NFIA: variants seen among roughly 807,000 people sequenced by gnomAD.
The protein encoded by NFIA is nuclear factor 1 A-type.
Under a neutral mutation model 62.8 loss-of-function variants are expected in NFIA, and 8 were observed. The ratio of observed to expected loss-of-function variants is 0.13; its 90% CI spans 0.07 to 0.23. The LOEUF is 0.23. NFIA is among the 10% of genes least tolerant of loss of function. The pLI is 1.00. For missense variants in NFIA, 410 were observed against 642.1 expected, an observed-to-expected ratio of 0.64 and a Z score of 3.91; for synonymous variants, 235 against 238.1, an observed-to-expected ratio of 0.99 and a Z score of 0.12.
intron 9 of NFIA, among the ~76,000 whole-genome samples, chr1:61,414,704 C>G (rs1427031308): frequency 6.6e-6 from 1 of 152,076 alleles, no homozygotes; most frequent in East Asian, 1.9e-4. Flanking sequence ...ACTGTGTTTC[C>G]TCTGTCAGAG....
intron 3 of NFIA, among the ~76,000 whole-genome samples, chr1:61,306,269 C>CTTTTTTTT (rs774297484): frequency 0.15 from 8,959 of 60,420 alleles, 2,035 homozygotes; most frequent in South Asian, 0.3. Flanking sequence ...AGATTTTGTT[C>CTTTTTTTT]TTTTTTTTTT....
chr1:61,095,948 A>G (rs560748040), intron 2 of NFIA, among the ~76,000 whole-genome samples: 105 of 152,066 alleles, frequency 6.9e-4, no homozygotes, highest in African/African-American at 2.4e-3. Context: ...ATATATTTTT[A>G]TATATATATT....
At chr1:61,182,063 T>C (rs1650796036) in intron 2 of NFIA, among the ~76,000 whole-genome samples, 1 of 152,238 alleles carries the variant, frequency 6.6e-6, no homozygotes. Context: ...AGCTGAAATT[T>C]AAATATATAA....
chr1:61,096,547 CTTTTTTTTTT>C (rs369305204), intron 2 of NFIA, among the ~76,000 whole-genome samples: 15 of 80,606 alleles, frequency 1.9e-4, no homozygotes, highest in Non-Finnish European at 2.3e-4. Context: ...AAGATTAGTT[CTTTTTTTTTT>C]TTTTTTTTTT....
At chr1:61,200,118 C>T (rs1471500760) in intron 2 of NFIA, among the ~76,000 whole-genome samples, 1 of 137,624 alleles carries the variant, frequency 7.3e-6, no homozygotes, top group African/African-American at 2.7e-5. Flanking sequence ...CCTTAGTCAC[C>T]ATTTGCAGTG....
chr1:61,287,562 T>C (rs1278331393), intron 3 of NFIA, among the ~76,000 whole-genome samples: 3 of 151,952 alleles, frequency 2.0e-5, no homozygotes, highest in Non-Finnish European at 4.4e-5. Context: ...CCCAGCACTT[T>C]GGGAGGCCAA....
chr1:61,298,748 G>A lies in NFIA; in HGVS notation c.625+21163G>A, dbSNP rs553302759. Among the ~76,000 whole-genome samples, 70 of 152,186 alleles carry A rather than the reference G, an allele frequency of 4.6e-4. 1 individual carries two copies. Among genetic ancestry groups the A allele is most frequent in the African/African-American group, 1.4e-3 (57 of 41,528 alleles). Reference sequence around the variant, plus strand: ...GACCATGCCTACAAGGTGTTTAGCAGGGTCCTCAGCATATAGCCAGTACTC... The same window carrying A: ...GACCATGCCTACAAGGTGTTTAGCAAGGTCCTCAGCATATAGCCAGTACTC... On this transcript the variant is annotated intron_variant, in intron 3 of 10. Coordinates refer to ENST00000403491, the MANE Select transcript of NFIA (RefSeq NM_001134673.4).
At chr1:61,403,038 C>T (rs1301356762) in intron 7 of NFIA, among the ~76,000 whole-genome samples, 1 of 152,152 alleles carries the variant, frequency 6.6e-6, no homozygotes, top group Non-Finnish European at 1.5e-5. Context: ...TATTATGAGT[C>T]ATTCTTGGTA....
At chr1:61,380,644 T>C (rs1664368985) in intron 6 of NFIA, among the ~76,000 whole-genome samples, 1 of 152,152 alleles carries the variant, frequency 6.6e-6, no homozygotes, top group South Asian at 2.1e-4. Context: ...AGAGAAAATA[T>C]TAAAGTATAT....
chr1:61,319,837 C>CACACACACACACACA (rs1422145070), intron 3 of NFIA, among the ~76,000 whole-genome samples: 1 of 118,158 alleles, frequency 8.5e-6, no homozygotes, highest in African/African-American at 4.3e-5. Context: ...ACACACACAC[C>CACACACACACACACA]AACTTTCATG....
rs17121991 is a variant in NFIA at position 61,362,814 on chromosome 1, C to A, written c.946+3540C>A. Among the ~76,000 whole-genome samples the A allele has an allele frequency of 8.5e-5, 13 of 152,232 alleles. No homozygotes were observed. In the South Asian group the frequency reaches 2.7e-3, roughly 32 times the overall value. Reference sequence around the variant, plus strand: ...AGTTATCTCAAAACTGGGTTAGATACGAAGCTTTGAAGCAAATCATGAATT... The same window carrying A: ...AGTTATCTCAAAACTGGGTTAGATAAGAAGCTTTGAAGCAAATCATGAATT... On this transcript the variant is annotated intron_variant, in intron 6 of 10. Transcript: ENST00000403491.
In NFIA at chr1:61,366,788, C is replaced by T. The variant is rs935087032; in HGVS notation, c.946+7514C>T. Among the ~76,000 whole-genome samples the T allele has an allele frequency of 4.6e-5, 7 of 151,946 alleles. No individual in the cohort carries two copies. The East Asian group carries it at 1.2e-3, about 25-fold the overall frequency. On this transcript the variant is annotated intron_variant, in intron 6 of 10. Coordinates refer to ENST00000403491, the MANE Select transcript of NFIA (RefSeq NM_001134673.4). ...AAACACAAAATTTAGCTGGGCGTGGCGGCGCCCTCCTGTAATCCCAGCTAC... is the reference window on the plus strand; with the variant it reads ...AAACACAAAATTTAGCTGGGCGTGGTGGCGCCCTCCTGTAATCCCAGCTAC...
chr1:61,360,108 A>G (rs1004923788), intron 6 of NFIA, among the ~76,000 whole-genome samples: 1 of 152,128 alleles, frequency 6.6e-6, no homozygotes, highest in African/African-American at 2.4e-5. Flanking sequence ...ATTTAAATGG[A>G]ACAACTCTCT....
rs34853369 is a variant in NFIA at position 61,358,379 on chromosome 1, C to CTTTTTTT, written c.819-749_819-743dup. On this transcript the variant is annotated intron_variant, in intron 5 of 10. Coordinates refer to ENST00000403491, the MANE Select transcript of NFIA (RefSeq NM_001134673.4). ...TCATTTTCTTTTCTTTTCTTTCTTT[C>CTTTTTTT]TTTTTTTTTTTTTTTTTTTTTTTTT... 1.3e-3 allele frequency among the ~76,000 whole-genome samples: 70 copies of CTTTTTTT among 52,610 alleles called. 1 individual carries two copies. Among genetic ancestry groups the CTTTTTTT allele is most frequent in the Non-Finnish European group, 1.5e-3 (48 of 31,562 alleles). The allele number at this position is 52,610 out of a possible 152,430, so 34.5% of individuals were successfully genotyped here.
At chr1:61,391,192 C>T (rs1380438552) in intron 7 of NFIA, among the ~76,000 whole-genome samples, 1 of 152,036 alleles carries the variant, frequency 6.6e-6, no homozygotes, top group Non-Finnish European at 1.5e-5. Flanking sequence ...TTCCAAGTGG[C>T]TGGGACTACA....
Position 61,274,561 on chromosome 1 carries a change from GTTTGT to G in NFIA, c.560-2955_560-2951del, listed in dbSNP as rs1327978193. Among the ~76,000 whole-genome samples the G allele has an allele frequency of 4.4e-4, 67 of 152,302 alleles. 1 individual carries two copies. Among genetic ancestry groups the G allele is most frequent in the African/African-American group, 1.5e-3 (64 of 41,566 alleles). The stretch of plus-strand genomic sequence containing the variant: ...AGAACATCCAGTTCTATGCAGTTGG[GTTTGT>G]TTTCTGAGGTTCCTAATTATTTAAG... On this transcript the variant is annotated intron_variant, in intron 2 of 10. Transcript: ENST00000403491.
intron 2 of NFIA, chr1:61,124,584 A>G (rs951139696): frequency 6.6e-6 from 1 of 152,218 alleles, no homozygotes; most frequent in Non-Finnish European, 1.5e-5. Flanking sequence ...TTGTTGTGTT[A>G]TCAGTGTAAA....
intron 10 of NFIA, among the ~76,000 whole-genome samples, chr1:61,447,521 G>T (rs772060572): frequency 6.6e-6 from 1 of 152,076 alleles, no homozygotes; most frequent in African/African-American, 2.4e-5. Context: ...TGCATTTTCC[G>T]CAGCAGAGCC....
chr1:61,155,738 T>C (rs907968109), intron 2 of NFIA, among the ~76,000 whole-genome samples: 10 of 151,572 alleles, frequency 6.6e-5, no homozygotes, highest in African/African-American at 2.4e-4. Context: ...CTTTTCCCTC[T>C]AGATCAATCC....
Sources: gnomAD v4.1 joint callset for allele counts (sites outside exome capture counted in the v4.1 genomes callset) on GRCh38, gnomAD v4.1.1 for gene constraint, MANE v1.5 for transcripts, NCBI Gene and HGNC (gene_info 2026-07-23, HGNC 2026-07-21) for gene names.